Variants in PLA2R1 observed in about 807,000 individuals in gnomAD.
PLA2R1 encodes secretory phospholipase A2 receptor.
In PLA2R1, 158 loss-of-function variants were observed where a neutral mutation model predicts 195.9. The observed-to-expected ratio is 0.81, with a 90% CI of 0.71 to 0.92. The LOEUF (loss-of-function observed/expected upper bound fraction) is 0.92. Among genes scored for constraint, PLA2R1 ranks in the 40% least tolerant of loss-of-function variants. The probability of loss-of-function intolerance (pLI) is 0.00; values close to 1 mark genes in which losing one functional copy is unlikely to be tolerated. For missense variants in PLA2R1, 1,626 were observed against 1,764.6 expected (o/e 0.92, Z 1.41); for synonymous variants, 586 against 598.2 (o/e 0.98, Z 0.30).
Position 159,999,347 on chromosome 2 carries a change from ATTTTTTTTTTTTTTTTTT to A in PLA2R1, c.1834+6287_1834+6304del, listed in dbSNP as rs916593884. The stretch of plus-strand genomic sequence containing the variant: ...AACATGAAGGCATGCACATTACGTA[ATTTTTTTTTTTTTTTTTT>A]TTTTTTTTTTTTTTTTTGAGACGGA... On this transcript the variant is annotated intron_variant, in intron 11 of 29. Transcript: ENST00000283243. Among the ~76,000 whole-genome samples, 43 of 7,248 alleles carry A rather than the reference ATTTTTTTTTTTTTTTTTT, an allele frequency of 5.9e-3. 16 individuals are homozygous for A. The highest frequency in any genetic ancestry group is 0.013 in the Admixed American group (5 of 392). The allele number at this position is 7,248 out of a possible 152,430, so 4.8% of individuals were successfully genotyped here.
chr2:159,993,551 C>T (rs1399472364), intron 11 of PLA2R1, among the ~76,000 whole-genome samples: 2 of 151,696 alleles, frequency 1.3e-5, no homozygotes, highest in Non-Finnish European at 2.9e-5. Context: ...TAAGCCCAGA[C>T]TGTGATGCTG....
chr2:160,005,620 G>A (rs778869884), intron 11 of PLA2R1, 32 bp downstream of exon 11: 3 of 1,588,662 alleles, frequency 1.9e-6, no homozygotes, highest in Non-Finnish European at 2.6e-6. Context: ...AAGAAAACAG[G>A]GAGGGTTGGT....
At chr2:160,042,267 T>G (rs1694570355) in intron 2 of PLA2R1, 69 bp from the exon 3 acceptor site, 1 of 1,394,210 alleles carries the variant, frequency 7.2e-7, no homozygotes, top group Non-Finnish European at 1.0e-6. Flanking sequence ...CTGCTATATA[T>G]CGAAAGCATT....
chr2:159,987,434 GTTGAATAATTGACA>G, intron 11 of PLA2R1, 76 bp from the exon 12 acceptor site: 2 of 1,016,452 alleles, frequency 2.0e-6, no homozygotes, highest in South Asian at 2.9e-5. Flanking sequence ...TCTTTAGAGT[GTTGAATAATTGACA>G]TCTCATAATT....
rs1221073523 is a variant in PLA2R1, at chr2:159,977,372, T to C, written c.2313A>G (p.Ala771=). The C allele has an allele frequency of 6.2e-7, 1 of 1,612,902 alleles. No individual in the cohort carries two copies. Among genetic ancestry groups the C allele is most frequent in the Non-Finnish European group, 8.5e-7 (1 of 1,178,952 alleles). The change falls in exon 15 of 30, where the codon GCA becomes GCG. Residue 771 remains alanine (A), a synonymous_variant. Coordinates refer to ENST00000283243, the MANE Select transcript of PLA2R1 (RefSeq NM_007366.5). The part of the protein sequence containing the change: ...FLDNTYFGED[A]RNCAVYKANK... The stretch of plus-strand genomic sequence containing the variant: ...TTGCCTTATAAACAGCACAGTTTCT[T>C]GCATCTTCTCCAAAATAAGTGTTGT...
Position 160,005,701 on chromosome 2 carries a change from C to T in PLA2R1, c.1785G>A (p.Gly595=). The change falls in exon 11 of 30, where the codon GGG becomes GGA. Residue 595 remains glycine (G), a synonymous_variant. Transcript: ENST00000283243. ...DTGEYTWKPV[G]QKPEPVQYTH... ...TGTACTGCACCGGCTCGGGTTTCTG[C>T]CCTACTGGCTTCCAAGTGTATTCTC... The T allele has an allele frequency of 1.2e-6, 2 of 1,613,984 alleles. No individual in the cohort carries two copies. The highest frequency in any genetic ancestry group is 8.5e-7 in the Non-Finnish European group (1 of 1,179,908).
At chr2:160,001,763 C>A (rs939926819) in intron 11 of PLA2R1, among the ~76,000 whole-genome samples, 1 of 151,806 alleles carries the variant, frequency 6.6e-6, no homozygotes, top group African/African-American at 2.4e-5. Flanking sequence ...GGTGGGATAT[C>A]ACAATTCTAA....
intron 9 of PLA2R1, among the ~76,000 whole-genome samples, chr2:160,013,701 C>CTG (rs1553462074): frequency 1.8e-4 from 23 of 131,256 alleles, no homozygotes; most frequent in Admixed American, 1.0e-3. Context: ...CTCTCTCTCT[C>CTG]TGTCTCTCTC....
chr2:160,032,366 T>C (rs1021694653), intron 4 of PLA2R1, among the ~76,000 whole-genome samples: 1 of 152,216 alleles, frequency 6.6e-6, no homozygotes, highest in African/African-American at 2.4e-5. Context: ...CACATACAAA[T>C]ACATTTAATC....
At chr2:160,053,351 G>A (rs532128381) in intron 1 of PLA2R1, among the ~76,000 whole-genome samples, 1 of 94,050 alleles carries the variant, frequency 1.1e-5, no homozygotes, top group Non-Finnish European at 2.6e-5. Flanking sequence ...AATTTGGTGG[G>A]GGGGGGGGGA....
intron 3 of PLA2R1, among the ~76,000 whole-genome samples, chr2:160,036,501 A>G (rs964449411): frequency 2.0e-5 from 3 of 152,050 alleles, no homozygotes; most frequent in African/African-American, 7.2e-5. Context: ...GAGCTGGCAC[A>G]CTGCAGTTTC....
intron 27 of PLA2R1, chr2:159,946,190 C>T (rs1341423173): frequency 1.1e-6 from 1 of 888,304 alleles, no homozygotes; most frequent in African/African-American, 1.8e-5. Flanking sequence ...TTATCACCAT[C>T]TGCTTGAAAT....
chr2:159,972,366 G>GAAGTAAGCTCAGGGCTT (rs1210160172), intron 17 of PLA2R1, among the ~76,000 whole-genome samples: 3 of 152,176 alleles, frequency 2.0e-5, no homozygotes, highest in African/African-American at 7.2e-5. Context: ...ATGTGATAGA[G>GAAGTAAGCTCAGGGCTT]AAGTAAGCTC....
intron 11 of PLA2R1, 72 bp downstream of exon 11, chr2:160,005,580 T>G: frequency 7.8e-7 from 1 of 1,285,392 alleles, no homozygotes; most frequent in Non-Finnish European, 1.1e-6. Context: ...TCAAAGGAGG[T>G]GGGCCAAGGG....
intron 1 of PLA2R1, among the ~76,000 whole-genome samples, chr2:160,047,314 T>C (rs887928403): frequency 6.6e-6 from 1 of 152,184 alleles, no homozygotes; most frequent in Non-Finnish European, 1.5e-5. Context: ...GCACACCACA[T>C]ACTACCATGA....
chr2:160,035,860 C>G (rs900459247), intron 3 of PLA2R1, among the ~76,000 whole-genome samples: 36 of 152,130 alleles, frequency 2.4e-4, no homozygotes, highest in Admixed American at 6.5e-4. Flanking sequence ...ATCAATGACC[C>G]CTGTGTTGCC....
chr2:159,979,827 T>TAA lies in PLA2R1; in HGVS notation c.2268+2_2268+3insTT. 6.4e-7 allele frequency: 1 copy of TAA among 1,557,506 alleles called. No individual in the cohort carries two copies. On this transcript the variant is annotated splice_region_variant and intron_variant, in intron 14 of 29. Transcript: ENST00000283243. ...CCCTTTTCTCCAGTTTGAAAAGACTTACAGGAGTTCTATCAGACCACTCCC... is the reference window on the plus strand; with the variant it reads ...CCCTTTTCTCCAGTTTGAAAAGACTTAAACAGGAGTTCTATCAGACCACTCCC...
At chr2:160,059,960 G>A (rs146169070) in intron 1 of PLA2R1, among the ~76,000 whole-genome samples, 80 of 152,298 alleles carry the variant, frequency 5.3e-4, no homozygotes, top group African/African-American at 1.8e-3. Flanking sequence ...TACAATTCAA[G>A]TTGAGATTTG....
At chr2:160,000,226 C>T (rs116170829) in intron 11 of PLA2R1, among the ~76,000 whole-genome samples, 151 of 152,200 alleles carry the variant, frequency 9.9e-4, no homozygotes, top group African/African-American at 3.4e-3. Context: ...TTTTGGTAAG[C>T]GTACATGAGA....
Sources: allele counts gnomAD v4.1 joint callset (sites outside exome capture counted in the v4.1 genomes callset), GRCh38; gene constraint gnomAD v4.1.1; transcripts MANE v1.5; gene names NCBI Gene and HGNC (gene_info 2026-07-23, HGNC 2026-07-21).